Variants in OSBPL8 observed in about 807,000 individuals in gnomAD.
OSBPL8 encodes oxysterol binding protein like 8, also known as oxysterol-binding protein-related protein 8.
In OSBPL8, 59 loss-of-function variants were observed where a neutral mutation model predicts 125.5. That is an observed-to-expected ratio of 0.47 (90% CI 0.38 to 0.58). The LOEUF (loss-of-function observed/expected upper bound fraction) is 0.58, where lower values mean the gene tolerates loss of function less well. Ranked by LOEUF, OSBPL8 falls within the 20% of genes least tolerant of loss-of-function variation. The pLI is 0.00. For synonymous variants in OSBPL8, 330 were observed against 338.9 expected (o/e 0.97, Z 0.29); for missense variants, 758 against 1,047.8 (o/e 0.72, Z 3.82).
At chr12:76,554,546 C>G (rs1420440188) in intron 1 of OSBPL8, among the ~76,000 whole-genome samples, 1 of 152,096 alleles carries the variant, frequency 6.6e-6, no homozygotes, top group South Asian at 2.1e-4. Flanking sequence ...GTCAGTTGCT[C>G]AGGTTTAAAA....
chr12:76,410,628 T>C lies in OSBPL8; in HGVS notation c.224A>G (p.Glu75Gly). 6.2e-7 allele frequency: 1 copy of C among 1,601,478 alleles called. No homozygotes were observed. Among genetic ancestry groups the C allele is most frequent in the Non-Finnish European group, 8.5e-7 (1 of 1,169,790 alleles). The change falls in exon 5 of 24, where the codon GAA becomes GGA. Residue 75 changes from glutamate (E) to glycine (G), a missense_variant. Transcript: ENST00000261183. ...TTGAGAAATATCTTCCTTCCCTCTT[T>C]CAAAACCTTAAAAAAATAGTCAGCA... ...SPASPHSQGF[E>G]RGKEDISQNK...
rs183746075 is a variant in OSBPL8 at position 76,392,874 on chromosome 12, A to G, written c.758-122T>C. The G allele has an allele frequency of 5.2e-4, 495 of 945,798 alleles. 1 individual carries two copies. The highest frequency in any genetic ancestry group is 6.9e-4 in the Non-Finnish European group (454 of 657,700). The allele number at this position is 945,798 out of a possible 1,614,324, so 58.6% of individuals were successfully genotyped here. Reference sequence around the variant, plus strand: ...ATGCACTGGAAAAGTTAATCTGAACATAACATCTTGCTAGAATTTAATGAA... The same window carrying G: ...ATGCACTGGAAAAGTTAATCTGAACGTAACATCTTGCTAGAATTTAATGAA... On this transcript the variant is annotated intron_variant, in intron 9 of 23. Transcript: ENST00000261183.
In OSBPL8 at chr12:76,483,660, CTTTTTTTTTTTTTT is replaced by C. The variant is rs869202382; in HGVS notation, c.42+3836_42+3849del. ...CTCACCCCAAGATCACTGTAATAGT[CTTTTTTTTTTTTTT>C]TTTTTTTTTTTTTTTTTGAGACAGC... On this transcript the variant is annotated intron_variant, in intron 2 of 23. Transcript: ENST00000261183. 5.4e-3 allele frequency among the ~76,000 whole-genome samples: 313 copies of C among 57,476 alleles called. 6 individuals are homozygous for C. The highest frequency in any genetic ancestry group is 0.024 in the African/African-American group (301 of 12,548). The allele number at this position is 57,476 out of a possible 152,430, so 37.7% of individuals were successfully genotyped here. A position where few individuals can be genotyped will look rare whatever the true frequency, so the allele number is the denominator to read the frequency against.
chr12:76,515,861 C>T (rs1325699756), intron 1 of OSBPL8, among the ~76,000 whole-genome samples: 1 of 152,144 alleles, frequency 6.6e-6, no homozygotes, highest in African/African-American at 2.4e-5. Flanking sequence ...GAGAGCCACA[C>T]ATATTAGCTG....
intron 14 of OSBPL8, among the ~76,000 whole-genome samples, chr12:76,385,005 T>C (rs1045545854): frequency 1.3e-5 from 2 of 152,224 alleles, no homozygotes; most frequent in East Asian, 1.9e-4. Context: ...AGTCTTCATA[T>C]GGATTACTGA....
Position 76,389,642 on chromosome 12 carries a change from T to C in OSBPL8, c.1352+3A>G. On this transcript the variant is annotated splice_donor_region_variant and intron_variant, in intron 12 of 23. Transcript: ENST00000261183. ...CTATTTTAAGAAATAAGAATCTACT[T>C]ACTCAGATAGGAAATCTGCATGATA... 3 of 1,542,702 alleles carry C rather than the reference T, an allele frequency of 1.9e-6. No individual in the cohort carries two copies. Among genetic ancestry groups the C allele is most frequent in the Non-Finnish European group, 2.6e-6 (3 of 1,140,168 alleles).
chr12:76,382,943 G>A (rs925510783), intron 15 of OSBPL8, among the ~76,000 whole-genome samples: 1 of 152,150 alleles, frequency 6.6e-6, no homozygotes, highest in African/African-American at 2.4e-5. Context: ...AGTTACATGT[G>A]TTAAATCTGC....
intron 2 of OSBPL8, 95 bp from the exon 3 acceptor site, chr12:76,459,990 A>C: frequency 1.7e-6 from 2 of 1,195,808 alleles, no homozygotes; most frequent in Non-Finnish European, 2.5e-6. Flanking sequence ...AAACAAAAGG[A>C]CAAGGAAAAT....
rs1768183674 is a variant in OSBPL8 at position 76,410,643 on chromosome 12, A to T, written c.218-9T>A. On this transcript the variant is annotated splice_polypyrimidine_tract_variant and intron_variant, in intron 4 of 23. Transcript: ENST00000261183. ...CTTCCCTCTTTCAAAACCTTAAAAA[A>T]ATAGTCAGCATATCAGTATTACTAC... 1 of 1,563,208 alleles carries T rather than the reference A, an allele frequency of 6.4e-7. No individual in the cohort carries two copies. Among genetic ancestry groups the T allele is most frequent in the African/African-American group, 1.4e-5 (1 of 73,852 alleles).
intron 2 of OSBPL8, among the ~76,000 whole-genome samples, chr12:76,463,785 G>A (rs1035617959): frequency 2.0e-5 from 3 of 152,302 alleles, no homozygotes; most frequent in African/African-American, 7.2e-5. Flanking sequence ...TTGCTTGTAA[G>A]TGATGCCAAT....
At chr12:76,375,914 G>A (rs753251826) in intron 16 of OSBPL8, among the ~76,000 whole-genome samples, 6 of 152,126 alleles carry the variant, frequency 3.9e-5, no homozygotes, top group Admixed American at 1.3e-4. Flanking sequence ...GAAAATGTGT[G>A]TTAAAAGCTA....
chr12:76,522,783 T>C (rs190530771), intron 1 of OSBPL8, among the ~76,000 whole-genome samples: 7 of 152,264 alleles, frequency 4.6e-5, no homozygotes, highest in Non-Finnish European at 1.0e-4. Context: ...CAAAATGAAC[T>C]AAGACATATG....
At chr12:76,507,548 G>A (rs1880533618) in intron 1 of OSBPL8, among the ~76,000 whole-genome samples, 1 of 151,712 alleles carries the variant, frequency 6.6e-6, no homozygotes, top group African/African-American at 2.4e-5. Context: ...TGCCGGGTGT[G>A]GTGGCTCACA....
chr12:76,386,233 C>G lies in OSBPL8; in HGVS notation c.1468G>C (p.Glu490Gln). 6.2e-7 allele frequency: 1 copy of G among 1,609,302 alleles called. No homozygotes were observed. Among genetic ancestry groups the G allele is most frequent in the East Asian group, 2.2e-5 (1 of 44,598 alleles). Residue 490 changes from glutamate to glutamine, a missense_variant, in exon 14 of 24, where the codon GAG (glutamate) becomes CAG (glutamine). Around this residue, in one of 3 missense-constraint regions of OSBPL8, gnomAD observed 572 missense variants for 762.0 expected, o/e 0.75. Transcript: ENST00000261183. ...TGAATCCATAAACAACGGAAAGTCT[C>G]GCCAAGTATAGGATTATAAGGTTTC... ...LKKPYNPILG[E>Q]TFRCLWIHPR...
At chr12:76,408,610 A>G in intron 5 of OSBPL8, among the ~76,000 whole-genome samples, 1 of 152,090 alleles carries the variant, frequency 6.6e-6, no homozygotes, top group South Asian at 2.1e-4. Context: ...CAGATGTCCT[A>G]TATCTGAGCT....
intron 1 of OSBPL8, among the ~76,000 whole-genome samples, chr12:76,552,270 C>T (rs1395891576): frequency 6.6e-6 from 1 of 151,356 alleles, no homozygotes; most frequent in Non-Finnish European, 1.5e-5. Flanking sequence ...ACCAAAAATA[C>T]AAAAAATTTG....
At chr12:76,505,964 G>A (rs2137147446) in intron 1 of OSBPL8, among the ~76,000 whole-genome samples, 1 of 152,314 alleles carries the variant, frequency 6.6e-6, no homozygotes, top group East Asian at 1.9e-4. Flanking sequence ...TACTAATTGA[G>A]AAGAGATTAC....
chr12:76,377,203 CTT>C (rs1000065702), intron 16 of OSBPL8, among the ~76,000 whole-genome samples: 58 of 152,152 alleles, frequency 3.8e-4, no homozygotes, highest in African/African-American at 1.4e-3. Context: ...GGTCCCAAGT[CTT>C]TGCTATTGTG....
At chr12:76,529,242 A>C (rs570197519) in intron 1 of OSBPL8, among the ~76,000 whole-genome samples, 7 of 152,326 alleles carry the variant, frequency 4.6e-5, no homozygotes, top group South Asian at 2.1e-4. Flanking sequence ...GCACACTATA[A>C]GGAAAATACA....
Sources: gnomAD v4.1 joint callset for allele counts (sites outside exome capture counted in the v4.1 genomes callset) on GRCh38, gnomAD v4.1.1 for gene constraint, gnomAD v4.1.1 regional missense constraint, MANE v1.5 for transcripts, NCBI Gene and HGNC (gene_info 2026-07-23, HGNC 2026-07-21) for gene names.